The following GALNT12 variants were observed in gnomAD, a reference collection of about 807,000 sequenced individuals.
GALNT12 encodes polypeptide N-acetylgalactosaminyltransferase 12, also known as UDP-GalNAc:polypeptide N-acetylgalactosaminyltransferase 12.
In GALNT12, 45 loss-of-function variants were observed where a neutral mutation model predicts 55.5. The ratio of observed to expected loss-of-function variants is 0.81; its 90% CI spans 0.64 to 1.04. The LOEUF (loss-of-function observed/expected upper bound fraction) is 1.04, where lower values mean the gene tolerates loss of function less well. GALNT12 is among the 50% of genes least tolerant of loss of function. The probability of loss-of-function intolerance (pLI) is 0.00; values close to 1 mark genes in which losing one functional copy is unlikely to be tolerated. For synonymous variants in GALNT12, 304 were observed against 312.2 expected (o/e 0.97, Z 0.28); for missense variants, 709 against 754.8 (o/e 0.94, Z 0.71).
At chr9:98,812,250 T>G (rs1321979144) in intron 1 of GALNT12, among the ~76,000 whole-genome samples, 2 of 152,154 alleles carry the variant, frequency 1.3e-5, no homozygotes, top group South Asian at 2.1e-4. Flanking sequence ...CCATATGTTT[T>G]TGGTGTGTCT....
intron 3 of GALNT12, among the ~76,000 whole-genome samples, chr9:98,827,261 G>A (rs1347619023): frequency 2.7e-5 from 4 of 150,512 alleles, no homozygotes; most frequent in South Asian, 2.1e-4. Flanking sequence ...GTGTGATCTC[G>A]GCTCACCGCA....
At position 98,823,570 on chromosome 9, in the gene GALNT12, A is replaced by G. The variant is rs1048152590; in HGVS notation, c.541+145A>G. The G allele has an allele frequency of 9.9e-6, 7 of 707,856 alleles. No individual in the cohort carries two copies. In the East Asian group the frequency reaches 1.6e-4, roughly 16 times the overall value. The allele number at this position is 707,856 out of a possible 1,614,324, so 43.8% of individuals were successfully genotyped here. On this transcript the variant is annotated intron_variant, in intron 2 of 9. Transcript: ENST00000375011. ...TGTACCCAAGGAAGACCTCAGGGAT[A>G]GTAGCCCAGAAACAGTAGGCGTGGG...
chr9:98,812,473 C>G (rs10121153), intron 1 of GALNT12, among the ~76,000 whole-genome samples: 98,026 of 151,922 alleles, frequency 0.65, 32,260 homozygotes, highest in African/African-American at 0.76. Context: ...TGTCTGTAGT[C>G]CCAGCTACTT....
Position 98,849,487 on chromosome 9 carries a change from A to C in GALNT12, c.*395A>C, listed in dbSNP as rs1383318979. The stretch of plus-strand genomic sequence containing the variant: ...AATTCCCAGGTACGAAGATATCTGC[A>C]TGGGTGGAAATCAGGTTCAAGCAAC... On this transcript the variant is annotated 3_prime_UTR_variant, in exon 10 of 10. Transcript: ENST00000375011. 3.8e-6 allele frequency: 2 copies of C among 523,268 alleles called. No individual in the cohort carries two copies. Among genetic ancestry groups the C allele is most frequent in the Non-Finnish European group, 6.6e-6 (2 of 301,430 alleles). 32.4% of individuals were successfully genotyped at this position (523,268 alleles called of 1,614,324 possible).
intron 6 of GALNT12, among the ~76,000 whole-genome samples, chr9:98,838,726 T>G (rs1836215897): frequency 6.6e-6 from 1 of 152,248 alleles, no homozygotes; most frequent in Non-Finnish European, 1.5e-5. Flanking sequence ...CTAGTAGGGC[T>G]GCTTGGCAAT....
At chr9:98,839,962 C>A in intron 6 of GALNT12, 40 bp from the exon 7 acceptor site, 1 of 1,613,458 alleles carries the variant, frequency 6.2e-7, no homozygotes, top group Non-Finnish European at 8.5e-7. Context: ...AAAGGAAGCA[C>A]TAGGACCCAT....
intron 2 of GALNT12, 34 bp downstream of exon 2, chr9:98,823,459 T>C (rs772579773): frequency 6.3e-7 from 1 of 1,589,556 alleles, no homozygotes; most frequent in Admixed American, 1.7e-5. Flanking sequence ...GAAGAGCCTG[T>C]CCTTCTGTAG....
In GALNT12 at chr9:98,816,817, ATTT is replaced by A. The variant is rs35357602; in HGVS notation, c.372-6418_372-6416del. Among the ~76,000 whole-genome samples, 86 of 73,104 alleles carry A rather than the reference ATTT, an allele frequency of 1.2e-3. 1 individual carries two copies. The highest frequency in any genetic ancestry group is 4.1e-3 in the African/African-American group (79 of 19,106). 48.0% of individuals were successfully genotyped at this position (73,104 alleles called of 152,430 possible). A position where few individuals can be genotyped will look rare whatever the true frequency, so the allele number is the denominator to read the frequency against. The stretch of plus-strand genomic sequence containing the variant: ...AGGTGTGTGCCACCATGTCCAGCTA[ATTT>A]TTTTTTTTTTTTTTTTTTTTGAGAC... On this transcript the variant is annotated intron_variant, in intron 1 of 9. Transcript: ENST00000375011.
chr9:98,842,820 AAAGTT>A, intron 7 of GALNT12, among the ~76,000 whole-genome samples: 1 of 152,024 alleles, frequency 6.6e-6, no homozygotes, highest in Non-Finnish European at 1.5e-5. Flanking sequence ...AAAAAAAAGT[AAAGTT>A]AATGAAATGT....
intron 6 of GALNT12, among the ~76,000 whole-genome samples, chr9:98,838,688 G>T (rs1171894964): frequency 1.3e-5 from 2 of 152,202 alleles, no homozygotes; most frequent in African/African-American, 4.8e-5. Flanking sequence ...TCCATGGCAG[G>T]GTGCCTGCTT....
intron 6 of GALNT12, among the ~76,000 whole-genome samples, chr9:98,838,841 A>G (rs1337085585): frequency 6.6e-6 from 1 of 152,240 alleles, no homozygotes; most frequent in Non-Finnish European, 1.5e-5. Context: ...CTCATTTTAT[A>G]GATGAGAAAA....
intron 5 of GALNT12, among the ~76,000 whole-genome samples, chr9:98,836,247 C>T (rs2118445221): frequency 6.6e-6 from 1 of 152,322 alleles, no homozygotes; most frequent in South Asian, 2.1e-4. Flanking sequence ...TGAAGTCTTA[C>T]ATTTTAAGCA....
At chr9:98,844,291 A>G (rs1286108484) in intron 8 of GALNT12, 82 bp downstream of exon 8, 21 of 920,932 alleles carry the variant, frequency 2.3e-5, no homozygotes, top group Non-Finnish European at 3.5e-5. Flanking sequence ...TTGTAAAAGT[A>G]ATATTTGGGA....
At chr9:98,829,854 A>G (rs1189549982) in intron 3 of GALNT12, among the ~76,000 whole-genome samples, 1 of 152,210 alleles carries the variant, frequency 6.6e-6, no homozygotes, top group East Asian at 1.9e-4. Flanking sequence ...TGTACCACAT[A>G]TCCTTTATCC....
At chr9:98,837,449 G>C (rs1302734392) in intron 6 of GALNT12, among the ~76,000 whole-genome samples, 4 of 152,190 alleles carry the variant, frequency 2.6e-5, no homozygotes, top group Non-Finnish European at 5.9e-5. Context: ...AGTTTTGTCA[G>C]CAGATCAATA....
chr9:98,812,209 C>G (rs1835511279), intron 1 of GALNT12, among the ~76,000 whole-genome samples: 1 of 152,116 alleles, frequency 6.6e-6, no homozygotes, highest in Non-Finnish European at 1.5e-5. Flanking sequence ...TAGTATTTTC[C>G]TGATACCTTT....
intron 6 of GALNT12, among the ~76,000 whole-genome samples, chr9:98,838,407 C>CA (rs113206042): frequency 0.015 from 2,284 of 152,344 alleles, 49 homozygotes; most frequent in African/African-American, 0.053. Context: ...AGTCTCAGCT[C>CA]AGTTGGCTTG....
intron 1 of GALNT12, among the ~76,000 whole-genome samples, chr9:98,809,750 G>C (rs1193183327): frequency 6.6e-6 from 1 of 152,180 alleles, no homozygotes; most frequent in Non-Finnish European, 1.5e-5. Flanking sequence ...TCCAGGGATT[G>C]GTTGTAGTTT....
intron 3 of GALNT12, among the ~76,000 whole-genome samples, chr9:98,827,422 A>C (rs1184501556): frequency 6.6e-6 from 1 of 151,972 alleles, no homozygotes. Flanking sequence ...GCTGGTCTCA[A>C]ACTCCTGACC....
Sources: gnomAD v4.1 joint callset for allele counts (sites outside exome capture counted in the v4.1 genomes callset) on GRCh38, gnomAD v4.1.1 for gene constraint, MANE v1.5 for transcripts, NCBI Gene and HGNC (gene_info 2026-07-23, HGNC 2026-07-21) for gene names.